TAB2: variants seen among roughly 807,000 people sequenced by gnomAD.
TAB2 encodes TGF-beta activated kinase 1 (MAP3K7) binding protein 2, also known as TGF-beta-activated kinase 1 and MAP3K7-binding protein 2.
A neutral mutation model predicts 65.0 loss-of-function variants in TAB2; 3 were observed. The observed-to-expected ratio is 0.05, with a 90% confidence interval of 0.02 to 0.12. The LOEUF (loss-of-function observed/expected upper bound fraction) is 0.12. Among genes scored for constraint, TAB2 ranks in the 10% least tolerant of loss-of-function variants. TAB2 has a pLI of 1.00. For missense variants in TAB2, 623 were observed against 840.3 expected (o/e 0.74, Z 3.20); for synonymous variants, 298 against 285.1 (o/e 1.05, Z -0.46).
chr6:149,336,078 G>A (rs1779924835), intron 1 of TAB2, among the ~76,000 whole-genome samples: 1 of 152,052 alleles, frequency 6.6e-6, no homozygotes, highest in Non-Finnish European at 1.5e-5. Flanking sequence ...CAGGAACCCC[G>A]GGTTCTAGTC....
intron 1 of TAB2, among the ~76,000 whole-genome samples, chr6:149,339,121 T>C (rs1439211593): frequency 6.6e-6 from 1 of 152,114 alleles, no homozygotes; most frequent in Non-Finnish European, 1.5e-5. Flanking sequence ...ATCCCAGCCC[T>C]TTGGGAGGCC....
intron 1 of TAB2, among the ~76,000 whole-genome samples, chr6:149,302,740 A>G (rs1178963751): frequency 1.3e-5 from 2 of 152,166 alleles, no homozygotes; most frequent in African/African-American, 4.8e-5. Flanking sequence ...ACTTGGGGTC[A>G]TATCTATCTA....
At chr6:149,325,828 C>T (rs1351956818) in intron 1 of TAB2, among the ~76,000 whole-genome samples, 1 of 152,196 alleles carries the variant, frequency 6.6e-6, no homozygotes, top group Admixed American at 6.5e-5. Flanking sequence ...AAGTCTTGAC[C>T]TCCCAGGCTC....
intron 1 of TAB2, among the ~76,000 whole-genome samples, chr6:149,333,301 T>G (rs1779835522): frequency 6.6e-6 from 1 of 152,214 alleles, no homozygotes; most frequent in African/African-American, 2.4e-5. Flanking sequence ...CCAAGATTAG[T>G]GAGGCGTACA....
intron 1 of TAB2, among the ~76,000 whole-genome samples, chr6:149,332,229 A>G (rs911775888): frequency 3.9e-5 from 6 of 152,286 alleles, no homozygotes; most frequent in East Asian, 1.9e-4. Flanking sequence ...CAACTGGGCA[A>G]TTCATTCGGT....
intron 1 of TAB2, among the ~76,000 whole-genome samples, chr6:149,308,846 T>A (rs1426282933): frequency 6.6e-6 from 1 of 152,064 alleles, no homozygotes; most frequent in Non-Finnish European, 1.5e-5. Context: ...TTTTAAAAAA[T>A]TCTCTGTGCC....
chr6:149,259,266 C>T (rs1342163470), intron 1 of TAB2, among the ~76,000 whole-genome samples: 1 of 151,670 alleles, frequency 6.6e-6, no homozygotes, highest in Non-Finnish European at 1.5e-5. Context: ...CCATAAATGG[C>T]CCTAGAAATG....
At chr6:149,226,199 C>G (rs1023148767) in intron 1 of TAB2, among the ~76,000 whole-genome samples, 4 of 152,128 alleles carry the variant, frequency 2.6e-5, no homozygotes, top group African/African-American at 9.7e-5. Context: ...TGGTATAGCT[C>G]GGGCACCTGG....
intron 1 of TAB2, among the ~76,000 whole-genome samples, chr6:149,225,233 T>A (rs573067): frequency 0.95 from 144,643 of 152,256 alleles, 68,822 homozygotes; most frequent in Middle Eastern, 1. Flanking sequence ...GAAATATCAG[T>A]AATATCAACT....
chr6:149,358,745 T>A (rs958094318), intron 1 of TAB2, among the ~76,000 whole-genome samples: 25 of 151,530 alleles, frequency 1.6e-4, no homozygotes, highest in African/African-American at 6.1e-4. Context: ...TTTCCCTTAT[T>A]CTTTCATATC....
intron 1 of TAB2, among the ~76,000 whole-genome samples, chr6:149,336,094 C>T (rs1779925580): frequency 6.6e-6 from 1 of 152,170 alleles, no homozygotes; most frequent in African/African-American, 2.4e-5. Flanking sequence ...TAGTCCAGGG[C>T]CTGGCACTAA....
intron 1 of TAB2, among the ~76,000 whole-genome samples, chr6:149,358,640 CTGTGTGTGTGTGTG>C (rs370116039): frequency 4.1e-5 from 5 of 121,634 alleles, no homozygotes; most frequent in African/African-American, 1.5e-4. Context: ...CTTCAGAACT[CTGTGTGTGTGTGTG>C]TGTGTGTGTG....
At chr6:149,319,043 G>C (rs1779352118) in intron 1 of TAB2, among the ~76,000 whole-genome samples, 1 of 152,210 alleles carries the variant, frequency 6.6e-6, no homozygotes, top group African/African-American at 2.4e-5. Context: ...ATCGTATTCA[G>C]AGCAACTGTA....
At chr6:149,281,555 CAAAAAAAA>C (rs59196897) in intron 1 of TAB2, among the ~76,000 whole-genome samples, 3 of 70,346 alleles carry the variant, frequency 4.3e-5, no homozygotes, top group Admixed American at 1.6e-4. Flanking sequence ...GATGCCATCT[CAAAAAAAA>C]AAAAAAAAAA....
chr6:149,248,027 G>A (rs981575215), intron 1 of TAB2: 2 of 152,166 alleles, frequency 1.3e-5, no homozygotes, highest in Non-Finnish European at 2.9e-5. Context: ...GTATACCTGT[G>A]TAACAAACCT....
chr6:149,326,735 A>T (rs920238273), intron 1 of TAB2, among the ~76,000 whole-genome samples: 2 of 152,146 alleles, frequency 1.3e-5, no homozygotes, highest in African/African-American at 4.8e-5. Context: ...TTTAGTAAAG[A>T]CAGGGTTTCA....
chr6:149,340,107 A>G (rs1176360564), intron 1 of TAB2, among the ~76,000 whole-genome samples: 2 of 152,206 alleles, frequency 1.3e-5, no homozygotes, highest in East Asian at 1.9e-4. Context: ...CATCAAATCT[A>G]TGATTCGGAA....
intron 1 of TAB2, among the ~76,000 whole-genome samples, chr6:149,235,530 C>T (rs1448007095): frequency 6.6e-6 from 1 of 152,196 alleles, no homozygotes; most frequent in East Asian, 1.9e-4. Flanking sequence ...ACCAAAAAAT[C>T]ATCTGACTAG....
At chr6:149,403,279 TATATACACAC>T (rs1359838418) in intron 6 of TAB2, among the ~76,000 whole-genome samples, 2 of 40,050 alleles carry the variant, frequency 5.0e-5, no homozygotes, top group African/African-American at 1.4e-4. Flanking sequence ...TATATATATA[TATATACACAC>T]ACACACATAT....
Sources: gnomAD v4.1 joint callset for allele counts (sites outside exome capture counted in the v4.1 genomes callset) on GRCh38, gnomAD v4.1.1 for gene constraint, MANE v1.5 for transcripts, NCBI Gene and HGNC (gene_info 2026-07-23, HGNC 2026-07-21) for gene names.